Variants in CACNB4 observed in about 807,000 individuals in gnomAD.
CACNB4 encodes the protein voltage-dependent L-type calcium channel subunit beta-4.
In CACNB4, 32 loss-of-function variants were observed where a neutral mutation model predicts 71.2. The ratio of observed to expected loss-of-function variants is 0.45; its 90% CI spans 0.34 to 0.60. The LOEUF is 0.60. Ranked by LOEUF, CACNB4 falls within the 20% of genes least tolerant of loss-of-function variation. CACNB4 has a pLI of 0.01. For missense variants in CACNB4, 464 were observed against 647.9 expected (o/e 0.72, Z 3.08); for synonymous variants, 231 against 236.9 (o/e 0.97, Z 0.23).
chr2:152,027,182 C>T (rs956562884), intron 2 of CACNB4, among the ~76,000 whole-genome samples: 10 of 152,168 alleles, frequency 6.6e-5, no homozygotes, highest in African/African-American at 1.9e-4. Context: ...AGATTACAGG[C>T]GTGAGCCAGG....
chr2:151,878,550 T>TACACAC (rs60040188), intron 4 of CACNB4, among the ~76,000 whole-genome samples: 48 of 129,954 alleles, frequency 3.7e-4, no homozygotes, highest in Admixed American at 1.7e-3. Flanking sequence ...AGACCCTGTC[T>TACACAC]ACACACACAC....
At chr2:151,892,914 G>T (rs1362255994) in intron 2 of CACNB4, among the ~76,000 whole-genome samples, 3 of 152,136 alleles carry the variant, frequency 2.0e-5, no homozygotes, top group African/African-American at 7.2e-5. Flanking sequence ...GACCAGTGAA[G>T]AATAAAATCA....
intron 2 of CACNB4, among the ~76,000 whole-genome samples, chr2:151,899,893 T>C (rs1358262040): frequency 6.6e-6 from 1 of 152,142 alleles, no homozygotes; most frequent in Non-Finnish European, 1.5e-5. Context: ...TATAACCTAA[T>C]AGGGCTGACA....
At chr2:152,066,974 T>A (rs890859889) in intron 2 of CACNB4, among the ~76,000 whole-genome samples, 1 of 133,100 alleles carries the variant, frequency 7.5e-6, no homozygotes, top group African/African-American at 2.9e-5. Context: ...AAGGGGAACA[T>A]CACACTCTGG....
At chr2:152,074,250 C>T (rs1686868882) in intron 2 of CACNB4, among the ~76,000 whole-genome samples, 1 of 151,768 alleles carries the variant, frequency 6.6e-6, no homozygotes, top group Non-Finnish European at 1.5e-5. Flanking sequence ...TCAGCACCCC[C>T]CCATTTATAC....
At chr2:151,873,243 A>C (rs2099845082) in intron 5 of CACNB4, 1 of 152,252 alleles carries the variant, frequency 6.6e-6, no homozygotes, top group Non-Finnish European at 1.5e-5. Flanking sequence ...CTAGTAGGAC[A>C]TATCAGTACA....
chr2:152,080,308 A>C (rs1292481747), intron 2 of CACNB4, among the ~76,000 whole-genome samples: 2 of 151,948 alleles, frequency 1.3e-5, no homozygotes, highest in Non-Finnish European at 2.9e-5. Flanking sequence ...TTTTTAGTAG[A>C]GACAGGGTTT....
chr2:152,086,754 T>G (rs1687680714), intron 2 of CACNB4, among the ~76,000 whole-genome samples: 1 of 152,196 alleles, frequency 6.6e-6, no homozygotes, highest in Non-Finnish European at 1.5e-5. Flanking sequence ...CATCCTATTA[T>G]AAAAACCACC....
chr2:151,971,388 T>TC, intron 2 of CACNB4: 1 of 631,906 alleles, frequency 1.6e-6, no homozygotes, highest in Non-Finnish European at 2.8e-6. Context: ...TGCGGATGGT[T>TC]CCCCAACCCC....
Position 152,012,098 on chromosome 2 carries a change from T to TAA in CACNB4, c.147+86230_147+86231dup, listed in dbSNP as rs57150855. ...TTTAGAGTATACTCCTTCTATTTAT[T>TAA]AAAAAAAAAAAAAAAGTTAACTGTA... On this transcript the variant is annotated intron_variant, in intron 2 of 13. Coordinates refer to ENST00000539935, the MANE Select transcript of CACNB4 (RefSeq NM_000726.5). Among the ~76,000 whole-genome samples, 532 of 146,186 alleles carry TAA rather than the reference T, an allele frequency of 3.6e-3. 2 individuals are homozygous for TAA. Among genetic ancestry groups the TAA allele is most frequent in the African/African-American group, 9.9e-3 (391 of 39,650 alleles).
At chr2:151,849,386 G>A (rs746533128) in intron 12 of CACNB4, among the ~76,000 whole-genome samples, 1 of 152,016 alleles carries the variant, frequency 6.6e-6, no homozygotes, top group East Asian at 1.9e-4. Flanking sequence ...GCCTACCAAG[G>A]AGCTAGGACT....
At chr2:152,041,625 T>A (rs1684879357) in intron 2 of CACNB4, among the ~76,000 whole-genome samples, 2 of 152,166 alleles carry the variant, frequency 1.3e-5, no homozygotes, top group African/African-American at 2.4e-5. Flanking sequence ...GAAAGAAGCA[T>A]CTGGACAAAT....
chr2:151,963,870 C>G (rs1414395257), intron 2 of CACNB4, among the ~76,000 whole-genome samples: 1 of 151,976 alleles, frequency 6.6e-6, no homozygotes, highest in African/African-American at 2.4e-5. Flanking sequence ...GAGTTCGAGA[C>G]CAGCCTGGCC....
Position 151,924,165 on chromosome 2 carries a change from A to G in CACNB4, c.148-40795T>C, listed in dbSNP as rs184143367. ...GCAATCTCGGCTCACTGCTAGCTCCACCTCCCGGGTTCATGCCATTCTCCT... is the reference window on the plus strand; with the variant it reads ...GCAATCTCGGCTCACTGCTAGCTCCGCCTCCCGGGTTCATGCCATTCTCCT... On this transcript the variant is annotated intron_variant, in intron 2 of 13. Transcript: ENST00000539935. Among the ~76,000 whole-genome samples the G allele has an allele frequency of 6.1e-3, 753 of 123,886 alleles. 4 individuals carry two copies. Among genetic ancestry groups the G allele is most frequent in the African/African-American group, 0.02 (643 of 31,868 alleles). 81.3% of individuals were successfully genotyped at this position (123,886 alleles called of 152,430 possible).
chr2:152,058,122 C>T (rs1385482398), intron 2 of CACNB4, among the ~76,000 whole-genome samples: 1 of 152,194 alleles, frequency 6.6e-6, no homozygotes, highest in Non-Finnish European at 1.5e-5. Context: ...TTTCCCTTTG[C>T]CTTCCTCCAT....
intron 2 of CACNB4, among the ~76,000 whole-genome samples, chr2:152,023,601 A>C (rs1216823623): frequency 1.3e-5 from 2 of 151,638 alleles, no homozygotes; most frequent in Non-Finnish European, 2.9e-5. Context: ...CGCCCAGCTA[A>C]TTTTTGTATT....
intron 2 of CACNB4, among the ~76,000 whole-genome samples, chr2:151,892,205 G>A (rs1013949641): frequency 3.3e-5 from 5 of 152,120 alleles, no homozygotes; most frequent in African/African-American, 4.8e-5. Context: ...ACTGAGAGAC[G>A]CTTTCTTCTC....
At chr2:151,954,219 G>T (rs918140966) in intron 2 of CACNB4, among the ~76,000 whole-genome samples, 1 of 152,176 alleles carries the variant, frequency 6.6e-6, no homozygotes, top group Non-Finnish European at 1.5e-5. Context: ...AACCAGAGTG[G>T]CATGGTTTAT....
At chr2:151,992,208 C>T (rs879044915) in intron 2 of CACNB4, among the ~76,000 whole-genome samples, 2 of 152,196 alleles carry the variant, frequency 1.3e-5, no homozygotes, top group Admixed American at 6.5e-5. Context: ...GCACTGTCCA[C>T]CACAGCTGCA....
Sources: allele counts gnomAD v4.1 joint callset (sites outside exome capture counted in the v4.1 genomes callset), GRCh38; gene constraint gnomAD v4.1.1; transcripts MANE v1.5; gene names NCBI Gene and HGNC (gene_info 2026-07-23, HGNC 2026-07-21).